Variants in NCK1 observed in about 807,000 individuals in gnomAD.
NCK1 encodes SH2/SH3 adapter protein NCK1.
Under a neutral mutation model 36.6 loss-of-function variants are expected in NCK1, and 19 were observed. The observed-to-expected ratio is 0.52, with a 90% confidence interval of 0.36 to 0.76. The LOEUF is 0.76. NCK1 is among the 30% of genes least tolerant of loss of function. The probability of loss-of-function intolerance (pLI) is 0.00; values close to 1 mark genes in which losing one functional copy is unlikely to be tolerated. For synonymous variants in NCK1, 165 were observed against 156.0 expected (o/e 1.06, Z -0.43); for missense variants, 358 against 445.6 (o/e 0.80, Z 1.77).
chr3:136,892,192 T>TTTGTTG (rs570938002), intron 1 of NCK1, among the ~76,000 whole-genome samples: 1 of 152,014 alleles, frequency 6.6e-6, no homozygotes, highest in African/African-American at 2.4e-5. Context: ...CCAGCTGGAT[T>TTTGTTG]TTGTTGTTGT....
intron 1 of NCK1, among the ~76,000 whole-genome samples, chr3:136,875,574 A>G (rs1356940864): frequency 6.6e-6 from 1 of 152,214 alleles, no homozygotes; most frequent in Non-Finnish European, 1.5e-5. Flanking sequence ...ATGTAATGGT[A>G]AAGGGATCAA....
chr3:136,916,449 C>G (rs1939966048), intron 1 of NCK1, among the ~76,000 whole-genome samples: 1 of 152,282 alleles, frequency 6.6e-6, no homozygotes, highest in African/African-American at 2.4e-5. Context: ...AACCCAAACA[C>G]CTCCCATTAG....
At chr3:136,905,405 TG>T (rs1448659462) in intron 1 of NCK1, among the ~76,000 whole-genome samples, 1 of 152,098 alleles carries the variant, frequency 6.6e-6, no homozygotes, top group African/African-American at 2.4e-5. Context: ...TTTTTTGTAT[TG>T]TTTTTCAGAA....
At chr3:136,892,027 T>A (rs1261638901) in intron 1 of NCK1, among the ~76,000 whole-genome samples, 1 of 152,180 alleles carries the variant, frequency 6.6e-6, no homozygotes, top group African/African-American at 2.4e-5. Flanking sequence ...TAGCTAGGAC[T>A]ATAGGTGCAT....
At chr3:136,930,826 G>A (rs1940371706) in intron 2 of NCK1, among the ~76,000 whole-genome samples, 1 of 152,116 alleles carries the variant, frequency 6.6e-6, no homozygotes, top group Non-Finnish European at 1.5e-5. Flanking sequence ...AGTAGAGAAA[G>A]GATATAAATG....
chr3:136,904,907 T>C (rs1364027914), intron 1 of NCK1, among the ~76,000 whole-genome samples: 3 of 151,864 alleles, frequency 2.0e-5, no homozygotes, highest in Non-Finnish European at 1.5e-5. Flanking sequence ...GTTCTGAGAA[T>C]CTTTTATCTG....
At chr3:136,907,729 A>C (rs556029082) in intron 1 of NCK1, among the ~76,000 whole-genome samples, 1 of 152,292 alleles carries the variant, frequency 6.6e-6, no homozygotes, top group African/African-American at 2.4e-5. Context: ...GCAAGTACCA[A>C]ATGCATGTAG....
At chr3:136,944,111 C>CTTTTTTTTTTT (rs1560055771) in intron 2 of NCK1, among the ~76,000 whole-genome samples, 1,230 of 80,886 alleles carry the variant, frequency 0.015, 181 homozygotes, top group African/African-American at 0.02. Flanking sequence ...GGAAAAACAA[C>CTTTTTTTTTTT]CTTTTTTTTT....
chr3:136,884,993 T>A (rs1325293729), intron 1 of NCK1, among the ~76,000 whole-genome samples: 1 of 152,130 alleles, frequency 6.6e-6, no homozygotes, highest in African/African-American at 2.4e-5. Context: ...AGTGTTGAGA[T>A]TATAGGTGTG....
intron 2 of NCK1, among the ~76,000 whole-genome samples, chr3:136,944,556 A>G (rs1188992588): frequency 2.0e-5 from 3 of 152,224 alleles, no homozygotes; most frequent in Non-Finnish European, 2.9e-5. Context: ...TTTGGAGTAG[A>G]AAAGATATGA....
At chr3:136,921,343 A>T (rs1186452318) in intron 1 of NCK1, among the ~76,000 whole-genome samples, 2 of 152,240 alleles carry the variant, frequency 1.3e-5, no homozygotes, top group African/African-American at 2.4e-5. Flanking sequence ...CTCCAGCAAA[A>T]TGAAGGGTAA....
At chr3:136,906,008 T>C (rs182255010) in intron 1 of NCK1, among the ~76,000 whole-genome samples, 111 of 152,310 alleles carry the variant, frequency 7.3e-4, no homozygotes, top group Admixed American at 7.2e-4. Flanking sequence ...TCATGTTTCC[T>C]GTGTCCTTAC....
chr3:136,930,245 A>G (rs1940357352), intron 2 of NCK1, among the ~76,000 whole-genome samples: 1 of 152,192 alleles, frequency 6.6e-6, no homozygotes, highest in Non-Finnish European at 1.5e-5. Context: ...GGGGAAAACA[A>G]AAGGATTAAT....
intron 2 of NCK1, among the ~76,000 whole-genome samples, chr3:136,943,028 A>C (rs896873720): frequency 1.3e-5 from 2 of 152,172 alleles, no homozygotes; most frequent in Non-Finnish European, 2.9e-5. Context: ...CACAGCCATC[A>C]CTGACTTGGG....
chr3:136,939,310 A>C (rs1368159477), intron 2 of NCK1, among the ~76,000 whole-genome samples: 1 of 152,060 alleles, frequency 6.6e-6, no homozygotes, highest in African/African-American at 2.4e-5. Context: ...AATATCTGTA[A>C]GGTCTGTAGA....
chr3:136,864,049 C>A (rs1160772268), intron 1 of NCK1, among the ~76,000 whole-genome samples: 1 of 151,506 alleles, frequency 6.6e-6, no homozygotes, highest in African/African-American at 2.4e-5. Context: ...TGCAGTGAGC[C>A]GAGATCGCGC....
chr3:136,920,439 G>A (rs1373441642), intron 1 of NCK1, among the ~76,000 whole-genome samples: 1 of 152,032 alleles, frequency 6.6e-6, no homozygotes, highest in Admixed American at 6.5e-5. Flanking sequence ...TGGAGACTAG[G>A]AGACAGAGCA....
At chr3:136,863,118 T>C (rs1244638905) in intron 1 of NCK1, among the ~76,000 whole-genome samples, 1 of 152,064 alleles carries the variant, frequency 6.6e-6, no homozygotes, top group East Asian at 1.9e-4. Context: ...GCTCTCGGTG[T>C]CAAACTGATG....
intron 1 of NCK1, among the ~76,000 whole-genome samples, chr3:136,864,513 A>C (rs952481423): frequency 1.3e-5 from 2 of 151,286 alleles, no homozygotes; most frequent in African/African-American, 2.4e-5. Context: ...AAACAGAAAC[A>C]AAAAAAACCT....
Sources: gnomAD v4.1 joint callset for allele counts (sites outside exome capture counted in the v4.1 genomes callset) on GRCh38, gnomAD v4.1.1 for gene constraint, MANE v1.5 for transcripts, NCBI Gene and HGNC (gene_info 2026-07-23, HGNC 2026-07-21) for gene names.